LRRTM4: variants seen among roughly 807,000 people sequenced by gnomAD.
The protein encoded by LRRTM4 is leucine rich repeat transmembrane neuronal 4, also known as leucine-rich repeat transmembrane neuronal protein 4.
A neutral mutation model predicts 47.6 loss-of-function variants in LRRTM4; 25 were observed. The ratio of observed to expected loss-of-function variants is 0.53; its 90% confidence interval spans 0.38 to 0.73. The LOEUF (loss-of-function observed/expected upper bound fraction) is 0.73. Among genes scored for constraint, LRRTM4 ranks in the 30% least tolerant of loss-of-function variants. LRRTM4 has a pLI of 0.00. For missense variants in LRRTM4, 638 were observed against 713.4 expected, an observed-to-expected ratio of 0.89 and a Z score of 1.20; for synonymous variants, 311 against 269.5, an observed-to-expected ratio of 1.15 and a Z score of -1.51.
At chr2:77,332,949 G>A (rs966716186) in intron 3 of LRRTM4, among the ~76,000 whole-genome samples, 2 of 152,154 alleles carry the variant, frequency 1.3e-5, no homozygotes, top group Admixed American at 1.3e-4. Context: ...AACTAGGTGG[G>A]AGGTGATTGA....
Position 76,748,649 on chromosome 2 carries a change from C to G in LRRTM4, c.*46G>C, listed in dbSNP as rs1672730482. The G allele has an allele frequency of 2.1e-6, 3 of 1,420,234 alleles. No homozygotes were observed. The highest frequency in any genetic ancestry group is 1.4e-5 in the African/African-American group (1 of 70,088). 88.0% of individuals were successfully genotyped at this position (1,420,234 alleles called of 1,614,324 possible). On this transcript the variant is annotated 3_prime_UTR_variant, in exon 4 of 4. Transcript: ENST00000409884. ...CCCATTCTCCTTTAAGATGAAGGCC[C>G]TCCCTCCCCCCCATGGAGCTCCCCA... is the stretch of plus-strand genomic sequence containing the variant.
At chr2:76,791,475 A>C (rs1384693486) in intron 3 of LRRTM4, among the ~76,000 whole-genome samples, 1 of 152,146 alleles carries the variant, frequency 6.6e-6, no homozygotes, top group Non-Finnish European at 1.5e-5. Flanking sequence ...CTTCACTTAG[A>C]TACTGAGAAA....
chr2:77,026,846 A>G (rs1202387883), intron 3 of LRRTM4, among the ~76,000 whole-genome samples: 2 of 152,176 alleles, frequency 1.3e-5, no homozygotes, highest in African/African-American at 2.4e-5. Context: ...TGCAATATTG[A>G]TAAACATAAT....
At chr2:76,883,350 A>G (rs1467765359) in intron 3 of LRRTM4, among the ~76,000 whole-genome samples, 1 of 152,182 alleles carries the variant, frequency 6.6e-6, no homozygotes, top group African/African-American at 2.4e-5. Flanking sequence ...CACATAGTAA[A>G]TGCCCAATTA....
In LRRTM4 at chr2:76,800,796, C is replaced by T. The variant is rs1343085567; in HGVS notation, c.1552-51880G>A. 3.4e-5 allele frequency among the ~76,000 whole-genome samples: 5 copies of T among 146,432 alleles called. No homozygotes were observed. In the Admixed American group the frequency reaches 3.5e-4, roughly 10 times the overall value. On this transcript the variant is annotated intron_variant, in intron 3 of 3. Coordinates refer to ENST00000409884, the MANE Select transcript of LRRTM4 (RefSeq NM_001134745.3). ...ACCCCATCAAAAAGTGGGCGAAGGACATGAACAGACACTTCTCAAAAGAAG... is the reference window on the plus strand; with the variant it reads ...ACCCCATCAAAAAGTGGGCGAAGGATATGAACAGACACTTCTCAAAAGAAG...
intron 3 of LRRTM4, among the ~76,000 whole-genome samples, chr2:77,258,308 G>A (rs1299226985): frequency 4.6e-5 from 7 of 151,928 alleles, no homozygotes; most frequent in South Asian, 2.1e-4. Context: ...TTAAGTACAC[G>A]TTACCATACC....
intron 3 of LRRTM4, among the ~76,000 whole-genome samples, chr2:77,508,207 C>G (rs1029763022): frequency 2.0e-5 from 3 of 152,124 alleles, no homozygotes; most frequent in Admixed American, 6.6e-5. Context: ...CCAGCGAGAT[C>G]TATAACTATT....
intron 3 of LRRTM4, among the ~76,000 whole-genome samples, chr2:76,990,939 A>G (rs1676983974): frequency 6.6e-6 from 1 of 151,854 alleles, no homozygotes; most frequent in South Asian, 2.1e-4. Flanking sequence ...TCAAAATCAT[A>G]CCAACCACAC....
chr2:77,495,165 A>G (rs78880632), intron 3 of LRRTM4, among the ~76,000 whole-genome samples: 2,836 of 151,254 alleles, frequency 0.019, 96 homozygotes, highest in African/African-American at 0.065. Context: ...TTACCTAAAA[A>G]TCAAAGGGCT....
chr2:77,034,174 C>G (rs923633669), intron 3 of LRRTM4, among the ~76,000 whole-genome samples: 1 of 151,588 alleles, frequency 6.6e-6, no homozygotes, highest in Admixed American at 6.6e-5. Flanking sequence ...ATTATAGAAT[C>G]CATTTCAAAT....
intron 3 of LRRTM4, among the ~76,000 whole-genome samples, chr2:76,812,733 C>G (rs1670775587): frequency 7.8e-6 from 1 of 128,254 alleles, no homozygotes; most frequent in African/African-American, 2.9e-5. Flanking sequence ...TCTTTTTCTC[C>G]TCCTCCTCCT....
At chr2:77,517,034 C>T (rs909940754) in intron 3 of LRRTM4, 3 of 984,794 alleles carry the variant, frequency 3.0e-6, no homozygotes, top group Non-Finnish European at 3.6e-6. Flanking sequence ...GATACTAAAA[C>T]ATTATATTGC....
intron 3 of LRRTM4, among the ~76,000 whole-genome samples, chr2:76,904,547 C>A (rs1175372279): frequency 6.6e-6 from 1 of 152,184 alleles, no homozygotes; most frequent in Non-Finnish European, 1.5e-5. Context: ...TTATATATCT[C>A]TGTCAGTGTT....
At chr2:77,273,460 G>A (rs2104076938) in intron 3 of LRRTM4, among the ~76,000 whole-genome samples, 1 of 152,140 alleles carries the variant, frequency 6.6e-6, no homozygotes, top group African/African-American at 2.4e-5. Flanking sequence ...TTTAGCACAA[G>A]GAAGAGTATA....
chr2:76,843,742 G>T (rs1251264322), intron 3 of LRRTM4, among the ~76,000 whole-genome samples: 2 of 152,054 alleles, frequency 1.3e-5, no homozygotes, highest in Non-Finnish European at 2.9e-5. Context: ...GTCTGGCCAG[G>T]GTTGATGGTA....
At chr2:77,072,564 G>T (rs918850436) in intron 3 of LRRTM4, among the ~76,000 whole-genome samples, 1 of 152,008 alleles carries the variant, frequency 6.6e-6, no homozygotes, top group African/African-American at 2.4e-5. Flanking sequence ...TAGGGAGACT[G>T]AGGAGGGCAG....
chr2:76,990,588 A>G (rs1186042274), intron 3 of LRRTM4, among the ~76,000 whole-genome samples: 1 of 151,856 alleles, frequency 6.6e-6, no homozygotes, highest in Non-Finnish European at 1.5e-5. Flanking sequence ...TCAATTTAAC[A>G]AGAAGACTTA....
intron 3 of LRRTM4, among the ~76,000 whole-genome samples, chr2:77,274,175 G>C (rs1234562057): frequency 6.6e-6 from 1 of 151,694 alleles, no homozygotes; most frequent in East Asian, 1.9e-4. Flanking sequence ...ACACAATTAA[G>C]ACATTTGGCA....
chr2:77,152,961 C>T (rs1043095793), intron 3 of LRRTM4, among the ~76,000 whole-genome samples: 1 of 152,106 alleles, frequency 6.6e-6, no homozygotes, highest in East Asian at 1.9e-4. Context: ...AATTAACTCA[C>T]TTACTAATTT....
Sources: allele counts gnomAD v4.1 joint callset (sites outside exome capture counted in the v4.1 genomes callset), GRCh38; gene constraint gnomAD v4.1.1; transcripts MANE v1.5; gene names NCBI Gene and HGNC (gene_info 2026-07-23, HGNC 2026-07-21).